Variants in SEMA5A observed in about 807,000 individuals in gnomAD.
The protein encoded by SEMA5A is semaphorin 5A, also known as semaphorin-5A.
Under a neutral mutation model 135.5 loss-of-function variants are expected in SEMA5A, and 55 were observed. That is an observed-to-expected ratio of 0.41 (90% CI 0.33 to 0.51). The LOEUF is 0.51. SEMA5A is among the 20% of genes least tolerant of loss of function. The pLI is 0.37. For missense variants in SEMA5A, 1,290 were observed against 1,419.9 expected, an observed-to-expected ratio of 0.91 and a Z score of 1.47; for synonymous variants, 580 against 546.5, an observed-to-expected ratio of 1.06 and a Z score of -0.85.
rs140914240 is a variant in SEMA5A at position 9,076,159 on chromosome 5, C to T, written c.2074-9513G>A. On this transcript the variant is annotated intron_variant, in intron 16 of 22. Transcript: ENST00000382496. ...AGCGGAGATTGCAGTAAGCCGAGAT[C>T]GCACCACTGCACTCCAACCTGGTGA... 8.7e-3 allele frequency among the ~76,000 whole-genome samples: 1,252 copies of T among 144,476 alleles called. 20 individuals are homozygous for T. The highest frequency in any genetic ancestry group is 0.03 in the African/African-American group (1,178 of 38,656). 94.8% of individuals were successfully genotyped at this position (144,476 alleles called of 152,430 possible).
At chr5:9,273,037 A>G (rs1292220180) in intron 5 of SEMA5A, among the ~76,000 whole-genome samples, 9 of 152,190 alleles carry the variant, frequency 5.9e-5, no homozygotes, top group Non-Finnish European at 1.2e-4. Context: ...TAGGCTTCAG[A>G]AGGTGGGTAA....
chr5:9,042,764 G>T lies in SEMA5A; in HGVS notation c.*133C>A. On this transcript the variant is annotated 3_prime_UTR_variant, in exon 23 of 23. Coordinates refer to ENST00000382496, the MANE Select transcript of SEMA5A (RefSeq NM_003966.3). ...AGACGTGTATTTTTGGCAGCAATGG[G>T]ACACTCTGGTGGCTTGAAATGCACT... 9.5e-7 allele frequency: 1 copy of T among 1,054,784 alleles called. No homozygotes were observed. The highest frequency in any genetic ancestry group is 1.4e-6 in the Non-Finnish European group (1 of 715,326). The allele number at this position is 1,054,784 out of a possible 1,614,324, so 65.3% of individuals were successfully genotyped here.
At chr5:9,469,903 T>C (rs1759413253) in intron 1 of SEMA5A, among the ~76,000 whole-genome samples, 1 of 152,216 alleles carries the variant, frequency 6.6e-6, no homozygotes, top group African/African-American at 2.4e-5. Flanking sequence ...GCCAGACAAA[T>C]GTGGCTTTTA....
intron 1 of SEMA5A, among the ~76,000 whole-genome samples, chr5:9,507,385 A>T (rs1735949989): frequency 6.6e-6 from 1 of 152,144 alleles, no homozygotes; most frequent in East Asian, 1.9e-4. Flanking sequence ...AGTTTATCTA[A>T]ATGTCATCAT....
intron 5 of SEMA5A, among the ~76,000 whole-genome samples, chr5:9,263,885 C>T (rs576373986): frequency 6.6e-6 from 1 of 152,304 alleles, no homozygotes; most frequent in African/African-American, 2.4e-5. Context: ...TCAAAGTGCT[C>T]TGATGACGTA....
chr5:9,506,878 T>C (rs1423898343), intron 1 of SEMA5A, among the ~76,000 whole-genome samples: 1 of 152,178 alleles, frequency 6.6e-6, no homozygotes. Flanking sequence ...GGGAGCTCTT[T>C]CCTGTAACCT....
chr5:9,068,287 G>C (rs1291915825), intron 16 of SEMA5A, among the ~76,000 whole-genome samples: 1 of 152,206 alleles, frequency 6.6e-6, no homozygotes, highest in East Asian at 1.9e-4. Flanking sequence ...GACCTGGTCA[G>C]ATCTGGTTGA....
At chr5:9,539,564 A>G (rs1433615496) in intron 1 of SEMA5A, among the ~76,000 whole-genome samples, 1 of 152,206 alleles carries the variant, frequency 6.6e-6, no homozygotes, top group Non-Finnish European at 1.5e-5. Context: ...AAATGAGAAC[A>G]TCCCTGAATT....
chr5:9,057,234 C>T lies in SEMA5A; in HGVS notation c.2519-2977G>A, dbSNP rs115994587. ...GTTGTATACCTATACTTAACAATAC[C>T]GTATTGTGCACTCAAAAATCTGTTA... On this transcript the variant is annotated intron_variant, in intron 18 of 22. Coordinates refer to ENST00000382496, the MANE Select transcript of SEMA5A (RefSeq NM_003966.3). Among the ~76,000 whole-genome samples, 870 of 152,124 alleles carry T rather than the reference C, an allele frequency of 5.7e-3. 3 individuals are homozygous for T. Among genetic ancestry groups the T allele is most frequent in the African/African-American group, 0.02 (831 of 41,492 alleles).
At chr5:9,485,438 T>C (rs1734646917) in intron 1 of SEMA5A, among the ~76,000 whole-genome samples, 1 of 152,178 alleles carries the variant, frequency 6.6e-6, no homozygotes, top group African/African-American at 2.4e-5. Context: ...TGGAAAATGT[T>C]GTAGTATGTC....
At position 9,050,489 on chromosome 5, in the gene SEMA5A, A is replaced by C. The variant is rs1431554866; in HGVS notation, c.2846-32T>G. On this transcript the variant is annotated intron_variant, in intron 20 of 22. Transcript: ENST00000382496. ...AAAGAAAAGTCGAATCACAATGTGT[A>C]AAAGGTGTTCAGAAGACAGTCCACA... 3 of 1,597,624 alleles carry C rather than the reference A, an allele frequency of 1.9e-6. No individual in the cohort carries two copies. In the South Asian group the frequency reaches 3.4e-5, roughly 18 times the overall value.
At chr5:9,387,293 C>A (rs534739652) in intron 2 of SEMA5A, among the ~76,000 whole-genome samples, 1 of 152,118 alleles carries the variant, frequency 6.6e-6, no homozygotes, top group African/African-American at 2.4e-5. Context: ...TTCGGGGTAT[C>A]CTTAATCTGT....
At chr5:9,280,341 A>G (rs533219753) in intron 5 of SEMA5A, among the ~76,000 whole-genome samples, 1 of 152,358 alleles carries the variant, frequency 6.6e-6, no homozygotes, top group South Asian at 2.1e-4. Flanking sequence ...AAAGAAAAGA[A>G]AGGCAAAGAT....
chr5:9,353,060 GAAGGAAAGGA>G (rs145299714), intron 3 of SEMA5A, among the ~76,000 whole-genome samples: 627 of 36,510 alleles, frequency 0.017, 128 homozygotes, highest in African/African-American at 0.075. Context: ...GAAAGGAAAG[GAAGGAAAGGA>G]AAGGAAAGGA....
intron 3 of SEMA5A, among the ~76,000 whole-genome samples, chr5:9,365,894 G>A (rs543702989): frequency 6.6e-6 from 1 of 152,284 alleles, no homozygotes; most frequent in Non-Finnish European, 1.5e-5. Flanking sequence ...AGCCAACCCC[G>A]TGAGGATTAT....
chr5:9,460,775 C>T (rs1759027056), intron 1 of SEMA5A, among the ~76,000 whole-genome samples: 1 of 152,118 alleles, frequency 6.6e-6, no homozygotes, highest in Non-Finnish European at 1.5e-5. Context: ...GTATATGACA[C>T]AATCAAATGA....
chr5:9,051,146 C>T (rs1451813541), intron 20 of SEMA5A, among the ~76,000 whole-genome samples: 1 of 152,228 alleles, frequency 6.6e-6, no homozygotes, highest in Non-Finnish European at 1.5e-5. Flanking sequence ...CTGTGCCGTA[C>T]ATGACTGAGG....
intron 16 of SEMA5A, among the ~76,000 whole-genome samples, chr5:9,086,596 C>T (rs1738708777): frequency 6.6e-6 from 1 of 152,136 alleles, no homozygotes; most frequent in Admixed American, 6.5e-5. Context: ...TGTAAATTGA[C>T]CAATGTACAA....
intron 11 of SEMA5A, among the ~76,000 whole-genome samples, chr5:9,158,553 C>T (rs1407874773): frequency 6.6e-6 from 1 of 151,712 alleles, no homozygotes; most frequent in African/African-American, 2.4e-5. Context: ...GTTCCCCTTC[C>T]CAAGGAGAGA....
Sources: allele counts gnomAD v4.1 joint callset (sites outside exome capture counted in the v4.1 genomes callset), GRCh38; gene constraint gnomAD v4.1.1; transcripts MANE v1.5; gene names NCBI Gene and HGNC (gene_info 2026-07-23, HGNC 2026-07-21).